Variants in ARID4B observed in about 807,000 individuals in gnomAD.
The protein encoded by ARID4B is AT-rich interactive domain-containing protein 4B.
A neutral mutation model predicts 147.5 loss-of-function variants in ARID4B; 26 were observed. That is an observed-to-expected ratio of 0.18 (90% CI 0.13 to 0.24). The LOEUF (loss-of-function observed/expected upper bound fraction) is 0.24. Ranked by LOEUF, ARID4B falls within the 10% of genes least tolerant of loss-of-function variation. The probability of loss-of-function intolerance (pLI) is 1.00; values close to 1 mark genes in which losing one functional copy is unlikely to be tolerated. For missense variants in ARID4B, 1,179 were observed against 1,511.5 expected, an observed-to-expected ratio of 0.78 and a Z score of 3.65; for synonymous variants, 512 against 507.9, an observed-to-expected ratio of 1.01 and a Z score of -0.11.
chr1:235,221,714 T>C (rs764404262), intron 13 of ARID4B, 52 bp from the exon 14 acceptor site: 1 of 1,016,600 alleles, frequency 9.8e-7, no homozygotes, highest in South Asian at 1.3e-5. Flanking sequence ...GTTAATATAA[T>C]AACATTTTGA....
intron 2 of ARID4B, among the ~76,000 whole-genome samples, chr1:235,320,153 A>C (rs1333192435): frequency 6.6e-6 from 1 of 151,788 alleles, no homozygotes; most frequent in Non-Finnish European, 1.5e-5. Context: ...AATACAAAAA[A>C]AATTAGCCAG....
At chr1:235,188,209 T>C (rs903331777) in intron 19 of ARID4B, among the ~76,000 whole-genome samples, 1 of 151,936 alleles carries the variant, frequency 6.6e-6, no homozygotes, top group Non-Finnish European at 1.5e-5. Flanking sequence ...TGAAATAATA[T>C]AAACCTATAA....
At position 235,182,120 on chromosome 1, in the gene ARID4B, T is replaced by C. The variant is rs778919355; in HGVS notation, c.2799A>G (p.Gly933=). The C allele has an allele frequency of 1.9e-5, 31 of 1,614,086 alleles. No individual in the cohort carries two copies. The South Asian group carries it at 3.4e-4, about 18-fold the overall frequency. ...CTTTCAGCGTTTTTTTAGGCCACTGTCCCTGAATACTTGACCAGACATCTT... is the reference window on the plus strand; with the variant it reads ...CTTTCAGCGTTTTTTTAGGCCACTGCCCCTGAATACTTGACCAGACATCTT... The part of the protein sequence containing the change: ...DRKDVWSSIQ[G]QWPKKTLKEL... The change falls in exon 20 of 24, where the codon GGA becomes GGG. Residue 933 remains glycine (G), a synonymous_variant. Coordinates refer to ENST00000264183, the MANE Select transcript of ARID4B (RefSeq NM_016374.6).
intron 2 of ARID4B, among the ~76,000 whole-genome samples, chr1:235,323,426 A>C (rs1001793802): frequency 6.6e-6 from 1 of 152,186 alleles, no homozygotes; most frequent in Non-Finnish European, 1.5e-5. Context: ...ATTTACTGCT[A>C]CGTAATAAAA....
At chr1:235,310,072 C>A (rs544830786) in intron 2 of ARID4B, among the ~76,000 whole-genome samples, 2 of 151,892 alleles carry the variant, frequency 1.3e-5, no homozygotes, top group Non-Finnish European at 1.5e-5. Flanking sequence ...CCTAGGAAAA[C>A]CAGAGACCTT....
chr1:235,271,404 C>T (rs969043657), intron 2 of ARID4B, among the ~76,000 whole-genome samples: 5 of 151,668 alleles, frequency 3.3e-5, no homozygotes, highest in African/African-American at 4.8e-5. Context: ...CTGAGACAGG[C>T]GGATCATCTG....
chr1:235,208,467 G>C (rs931911583), intron 17 of ARID4B, among the ~76,000 whole-genome samples: 4 of 152,128 alleles, frequency 2.6e-5, no homozygotes, highest in Admixed American at 2.6e-4. Flanking sequence ...AAGACTAAAA[G>C]AGAACACACT....
At position 235,230,466 on chromosome 1, in the gene ARID4B, C is replaced by CGTTT. The variant is rs1572033336; in HGVS notation, c.742+646_742+647insAAAC. 4.6e-5 allele frequency among the ~76,000 whole-genome samples: 7 copies of CGTTT among 151,336 alleles called. No homozygotes were observed. In the East Asian group the frequency reaches 1.4e-3, roughly 29 times the overall value. On this transcript the variant is annotated intron_variant, in intron 10 of 23. Transcript: ENST00000264183. ...CAAAAAAAACAACAACACAAAGTTA[C>CGTTT]TTTGATTCCTTTCTTCTACCATTCC...
At chr1:235,217,177 C>A (rs898081071) in intron 16 of ARID4B, among the ~76,000 whole-genome samples, 1 of 151,966 alleles carries the variant, frequency 6.6e-6, no homozygotes, top group Non-Finnish European at 1.5e-5. Context: ...CAGACACAAA[C>A]CAAATGAAAT....
chr1:235,182,475 G>C lies in ARID4B; in HGVS notation c.2444C>G (p.Ser815Cys), dbSNP rs1285751923. The change falls in exon 20 of 24, where the codon TCT becomes TGT. Residue 815 changes from serine (S) to cysteine (C), a missense_variant. Transcript: ENST00000264183. The part of the protein sequence containing the change: ...KDVKKDTTDK[S>C]SKPQIKRGKR... ...ACCACGTTTTATTTGTGGTTTTGAA[G>C]ATTTATCTGTTGTGTCCTTCTTGAC... The C allele has an allele frequency of 6.2e-7, 1 of 1,613,298 alleles. No homozygotes were observed. The highest frequency in any genetic ancestry group is 2.2e-5 in the East Asian group (1 of 44,858).
chr1:235,304,409 T>C (rs929272880), intron 2 of ARID4B, among the ~76,000 whole-genome samples: 21 of 152,210 alleles, frequency 1.4e-4, no homozygotes, highest in Non-Finnish European at 2.4e-4. Flanking sequence ...TCTGAGCACA[T>C]ACAAAACAAT....
intron 9 of ARID4B, among the ~76,000 whole-genome samples, chr1:235,232,800 C>T (rs12071460): frequency 0.04 from 6,075 of 151,944 alleles, 453 homozygotes; most frequent in African/African-American, 0.14. Context: ...TCTGATTATC[C>T]CAATTTTGTT....
At chr1:235,290,305 T>C (rs1313441058) in intron 2 of ARID4B, among the ~76,000 whole-genome samples, 4 of 151,668 alleles carry the variant, frequency 2.6e-5, no homozygotes, top group East Asian at 1.9e-4. Context: ...TAGCGGGGCA[T>C]GGTGGTGCAT....
At chr1:235,304,341 CTGTCCCGAAAATAAAAAAAA>C (rs1046188432) in intron 2 of ARID4B, among the ~76,000 whole-genome samples, 4 of 151,992 alleles carry the variant, frequency 2.6e-5, no homozygotes, top group African/African-American at 9.7e-5. Flanking sequence ...GAGGAAGACC[CTGTCCCGAAAATAAAAAAAA>C]AGAAAAGAAA....
chr1:235,282,089 T>C (rs1447326042), intron 2 of ARID4B, among the ~76,000 whole-genome samples: 1 of 152,146 alleles, frequency 6.6e-6, no homozygotes, highest in African/African-American at 2.4e-5. Context: ...AGTGGCATAT[T>C]TGAAGGAATT....
intron 16 of ARID4B, 64 bp downstream of exon 16, chr1:235,219,729 C>A: frequency 7.5e-7 from 1 of 1,325,756 alleles, no homozygotes; most frequent in Non-Finnish European, 1.1e-6. Context: ...TAAACACATA[C>A]AAAGAGCAAA....
At chr1:235,311,044 T>C (rs1674012058) in intron 2 of ARID4B, among the ~76,000 whole-genome samples, 1 of 152,090 alleles carries the variant, frequency 6.6e-6, no homozygotes, top group Non-Finnish European at 1.5e-5. Context: ...GAACCAGCCA[T>C]ATAGCACAGG....
chr1:235,173,169 C>A (rs1371971692), intron 22 of ARID4B, among the ~76,000 whole-genome samples: 1 of 151,962 alleles, frequency 6.6e-6, no homozygotes, highest in Non-Finnish European at 1.5e-5. Flanking sequence ...GATGGTGAAA[C>A]CCTGTCTCTA....
At position 235,172,768 on chromosome 1, in the gene ARID4B, T is replaced by C. The variant is rs1571887370; in HGVS notation, c.3665-4A>G. The C allele has an allele frequency of 6.5e-7, 1 of 1,538,466 alleles. No homozygotes were observed. Among genetic ancestry groups the C allele is most frequent in the African/African-American group, 1.4e-5 (1 of 70,782 alleles). On this transcript the variant is annotated splice_region_variant and splice_polypyrimidine_tract_variant and intron_variant, in intron 22 of 23. Transcript: ENST00000264183. The stretch of plus-strand genomic sequence containing the variant: ...CTTGTCATATTTTCCAGGTCCGCTA[T>C]AAATTTAAAGCTTTCATTAACAGAC...
Sources: gnomAD v4.1 joint callset for allele counts (sites outside exome capture counted in the v4.1 genomes callset) on GRCh38, gnomAD v4.1.1 for gene constraint, MANE v1.5 for transcripts, NCBI Gene and HGNC (gene_info 2026-07-23, HGNC 2026-07-21) for gene names.